The following ADGRB3 variants were observed in gnomAD, a reference collection of about 807,000 sequenced individuals.
ADGRB3 encodes the protein adhesion G protein-coupled receptor B3, also known as brain-specific angiogenesis inhibitor 3.
In ADGRB3, 37 loss-of-function variants were observed where a neutral mutation model predicts 193.4. That is an observed-to-expected ratio of 0.19 (90% confidence interval 0.15 to 0.25). The LOEUF is 0.25. Ranked by LOEUF, ADGRB3 falls within the 10% of genes least tolerant of loss-of-function variation. ADGRB3 has a pLI of 1.00. For synonymous variants in ADGRB3, 690 were observed against 644.2 expected, an observed-to-expected ratio of 1.07 and a Z score of -1.08; for missense variants, 1,637 against 1,852.9, an observed-to-expected ratio of 0.88 and a Z score of 2.14.
rs1332822836 is a variant in ADGRB3 at position 69,289,351 on chromosome 6, C to T, written c.2815-35521C>T. On this transcript the variant is annotated intron_variant, in intron 20 of 31. Coordinates refer to ENST00000370598, the MANE Select transcript of ADGRB3 (RefSeq NM_001704.3). ...GATGTGTATCTCAATAAAGGTAAAA[C>T]AACCAAAAATGTGATTGTTTGGTTG... Among the ~76,000 whole-genome samples, 7 of 152,088 alleles carry T rather than the reference C, an allele frequency of 4.6e-5. No homozygotes were observed. The East Asian group carries it at 1.3e-3, about 29-fold the overall frequency.
At chr6:68,900,284 T>G (rs751866104) in intron 3 of ADGRB3, among the ~76,000 whole-genome samples, 1 of 152,188 alleles carries the variant, frequency 6.6e-6, no homozygotes, top group Non-Finnish European at 1.5e-5. Flanking sequence ...ACCTTATTTC[T>G]GAGAATGTGC....
intron 3 of ADGRB3, among the ~76,000 whole-genome samples, chr6:68,876,338 G>A (rs1237934290): frequency 6.6e-6 from 1 of 152,096 alleles, no homozygotes; most frequent in Non-Finnish European, 1.5e-5. Context: ...TCAACAAAGA[G>A]ATGATCAGGC....
chr6:68,640,684 C>T (rs921665147), intron 3 of ADGRB3, among the ~76,000 whole-genome samples: 1 of 152,154 alleles, frequency 6.6e-6, no homozygotes, highest in African/African-American at 2.4e-5. Flanking sequence ...ATAAAATTGA[C>T]ACGTTGTTGG....
chr6:68,679,313 G>A (rs1164305524), intron 3 of ADGRB3, among the ~76,000 whole-genome samples: 1 of 152,042 alleles, frequency 6.6e-6, no homozygotes, highest in East Asian at 1.9e-4. Flanking sequence ...TTCTTCATTG[G>A]GTGGTGCAAG....
intron 3 of ADGRB3, among the ~76,000 whole-genome samples, chr6:68,738,074 A>G (rs981963705): frequency 4.6e-5 from 7 of 152,312 alleles, no homozygotes; most frequent in Middle Eastern, 3.4e-3. Context: ...TTGAGAGCAA[A>G]GATCTGAAAG....
chr6:69,065,422 T>C (rs1484262589), intron 16 of ADGRB3, among the ~76,000 whole-genome samples: 1 of 152,166 alleles, frequency 6.6e-6, no homozygotes, highest in Non-Finnish European at 1.5e-5. Context: ...CTCACTGTTG[T>C]CTGTACAATA....
intron 3 of ADGRB3, among the ~76,000 whole-genome samples, chr6:68,757,030 C>T (rs1417901901): frequency 1.3e-5 from 2 of 152,252 alleles, no homozygotes; most frequent in African/African-American, 4.8e-5. Flanking sequence ...CTCTATTCCA[C>T]ACTTCTGCTT....
At chr6:68,842,865 A>G (rs887887333) in intron 3 of ADGRB3, among the ~76,000 whole-genome samples, 1 of 152,100 alleles carries the variant, frequency 6.6e-6, no homozygotes, top group Non-Finnish European at 1.5e-5. Flanking sequence ...GGATAGTTCA[A>G]TGTATGCAAA....
At chr6:69,366,861 C>T (rs905394923) in intron 29 of ADGRB3, among the ~76,000 whole-genome samples, 1 of 152,132 alleles carries the variant, frequency 6.6e-6, no homozygotes, top group Admixed American at 6.6e-5. Flanking sequence ...TTGTGAATGT[C>T]TCCTATTGTG....
intron 3 of ADGRB3, among the ~76,000 whole-genome samples, chr6:68,674,831 A>G (rs1017309007): frequency 1.3e-5 from 2 of 152,192 alleles, no homozygotes; most frequent in African/African-American, 4.8e-5. Flanking sequence ...AAGAGGCAAA[A>G]TTTAATTCAA....
intron 20 of ADGRB3, among the ~76,000 whole-genome samples, chr6:69,263,990 C>G (rs1250762549): frequency 6.6e-6 from 1 of 151,930 alleles, no homozygotes; most frequent in East Asian, 1.9e-4. Flanking sequence ...ATCCTTACAT[C>G]TCATAATAGG....
chr6:68,905,350 G>A (rs549418773), intron 3 of ADGRB3, among the ~76,000 whole-genome samples: 2 of 152,196 alleles, frequency 1.3e-5, no homozygotes, highest in African/African-American at 2.4e-5. Flanking sequence ...GCCTCCTTCC[G>A]AGCCTCTGGT....
chr6:68,781,154 T>C (rs1313378318), intron 3 of ADGRB3, among the ~76,000 whole-genome samples: 1 of 152,178 alleles, frequency 6.6e-6, no homozygotes, highest in Non-Finnish European at 1.5e-5. Context: ...AGGTTGGCTG[T>C]CTTCCAAGTA....
At chr6:69,158,635 C>T (rs538323345) in intron 17 of ADGRB3, among the ~76,000 whole-genome samples, 5 of 152,106 alleles carry the variant, frequency 3.3e-5, no homozygotes, top group African/African-American at 7.2e-5. Flanking sequence ...ATTAATACTA[C>T]TCATTACAGG....
intron 26 of ADGRB3, among the ~76,000 whole-genome samples, chr6:69,348,019 A>G (rs1031778798): frequency 1.3e-5 from 2 of 152,156 alleles, no homozygotes; most frequent in Non-Finnish European, 2.9e-5. Context: ...AGGGAAATGT[A>G]AATTCTAATT....
chr6:68,879,557 A>G (rs967345545), intron 3 of ADGRB3, among the ~76,000 whole-genome samples: 1 of 151,156 alleles, frequency 6.6e-6, no homozygotes, highest in African/African-American at 2.4e-5. Flanking sequence ...TTCTCAGTAA[A>G]TGTTTTCCCC....
At chr6:68,960,207 T>G (rs1768193618) in intron 8 of ADGRB3, among the ~76,000 whole-genome samples, 1 of 152,164 alleles carries the variant, frequency 6.6e-6, no homozygotes, top group Non-Finnish European at 1.5e-5. Context: ...AAATTACACT[T>G]TATTTATACA....
At chr6:69,131,610 T>G (rs1327030101) in intron 17 of ADGRB3, among the ~76,000 whole-genome samples, 3 of 152,052 alleles carry the variant, frequency 2.0e-5, no homozygotes, top group Admixed American at 2.0e-4. Context: ...AACAAGTACA[T>G]TTTAACTGCC....
intron 13 of ADGRB3, among the ~76,000 whole-genome samples, chr6:69,045,638 G>T (rs1007905184): frequency 1.3e-5 from 2 of 151,918 alleles, no homozygotes; most frequent in Non-Finnish European, 2.9e-5. Flanking sequence ...ACACTATTTT[G>T]ATTTTCTAAT....
Sources: allele counts gnomAD v4.1 joint callset (sites outside exome capture counted in the v4.1 genomes callset), GRCh38; gene constraint gnomAD v4.1.1; transcripts MANE v1.5; gene names NCBI Gene and HGNC (gene_info 2026-07-23, HGNC 2026-07-21).